Variants in NQO1 observed in about 807,000 individuals in gnomAD.
NQO1 encodes NAD(P)H quinone dehydrogenase 1, also known as NAD(P)H dehydrogenase [quinone] 1.
Under a neutral mutation model 32.1 loss-of-function variants are expected in NQO1, and 30 were observed. The observed-to-expected ratio is 0.94, with a 90% confidence interval of 0.70 to 1.27. NQO1 has a LOEUF of 1.27. Among genes scored for constraint, NQO1 ranks in the 50% most tolerant of loss-of-function variants. NQO1 has a pLI of 0.00. For synonymous variants in NQO1, 109 were observed against 119.7 expected, an observed-to-expected ratio of 0.91 and a Z score of 0.59; for missense variants, 276 against 331.3, an observed-to-expected ratio of 0.83 and a Z score of 1.30.
chr16:69,723,024 T>A (rs929467813), intron 1 of NQO1, among the ~76,000 whole-genome samples: 3 of 152,274 alleles, frequency 2.0e-5, no homozygotes, highest in Admixed American at 1.3e-4. Flanking sequence ...GCCTCCCAGG[T>A]TCACGCCATT....
chr16:69,712,531 G>A (rs754695050), intron 5 of NQO1, among the ~76,000 whole-genome samples: 13 of 152,318 alleles, frequency 8.5e-5, no homozygotes, highest in Non-Finnish European at 1.3e-4. Context: ...ACATGCACAC[G>A]CAGGTGTGTT....
intron 4 of NQO1, among the ~76,000 whole-genome samples, chr16:69,713,415 G>A (rs1027289315): frequency 6.6e-6 from 1 of 152,184 alleles, no homozygotes; most frequent in South Asian, 2.1e-4. Flanking sequence ...GCTGCTGGCT[G>A]CCTAGGTGGA....
Position 69,713,014 on chromosome 16 carries a change from A to G in NQO1, c.519+14T>C, listed in dbSNP as rs778686355. 14 of 1,604,456 alleles carry G rather than the reference A, an allele frequency of 8.7e-6. No homozygotes were observed. The South Asian group carries it at 1.5e-4, about 18-fold the overall frequency. On this transcript the variant is annotated intron_variant, in intron 5 of 5. Transcript: ENST00000320623. ...TCTCAAAGAAAAAAAAGAAAAGAAA[A>G]GAAAATGAGGTACCTGAATTGGCCA... is the stretch of plus-strand genomic sequence containing the variant.
At position 69,714,993 on chromosome 16, in the gene NQO1, C is replaced by T. The variant is rs568177350; in HGVS notation, c.388G>A (p.Ala130Thr). The change falls in exon 4 of 6, where the codon GCT becomes ACT. Residue 130 changes from alanine to threonine, a missense_variant. Physicochemically the swap from Ala to Thr is moderately conservative, Grantham distance 58. Coordinates refer to ENST00000320623, the MANE Select transcript of NQO1 (RefSeq NM_000903.3). ...VFIGEFAYTY[A>T]AMYDKGPFRS... ...AAGGGTCCTTTGTCATACATGGCAG[C>T]GTAAGTGTAAGCAAACTCTCCTATG... The T allele has an allele frequency of 1.9e-5, 31 of 1,613,688 alleles. No homozygotes were observed. In the African/African-American group the frequency reaches 3.3e-4, roughly 17 times the overall value.
chr16:69,713,572 A>T, intron 4 of NQO1, among the ~76,000 whole-genome samples: 1 of 152,172 alleles, frequency 6.6e-6, no homozygotes, highest in Non-Finnish European at 1.5e-5. Context: ...TATTATGGAA[A>T]TTTTTAACAC....
rs1357904322 is a variant in NQO1 at position 69,718,506 on chromosome 16, G to A, written c.36C>T (p.His12=). Residue 12 remains histidine, a synonymous_variant, in exon 2 of 6, where the codon CAC becomes CAT. Transcript: ENST00000320623. ...CATAGTTGAAGGACGTCCTCTCTGA[G>A]TGAGCCAGTACGATCAGTGCTCTTC... The part of the protein sequence containing the change: ...VGRRALIVLA[H]SERTSFNYAM... 3.1e-6 allele frequency: 5 copies of A among 1,613,972 alleles called. No individual in the cohort carries two copies. The African/African-American group carries it at 5.3e-5, about 17-fold the overall frequency.
rs762369473 is a variant in NQO1 at position 69,722,745 on chromosome 16, G to C, written c.7+3688C>G. ...GCGCTGGAAGTGATTGACTTGCTTG[G>C]GATAGCTTGGAAAAAGGAAAAGGAA... On this transcript the variant is annotated intron_variant, in intron 1 of 5. Coordinates refer to ENST00000320623, the MANE Select transcript of NQO1 (RefSeq NM_000903.3). Among the ~76,000 whole-genome samples, 102 of 152,210 alleles carry C rather than the reference G, an allele frequency of 6.7e-4. 1 individual carries two copies. Among genetic ancestry groups the C allele is most frequent in the Non-Finnish European group, 1.2e-3 (82 of 68,020 alleles).
Position 69,709,513 on chromosome 16 carries a change from C to T in NQO1, c.*1463G>A, listed in dbSNP as rs1597593081. 1.4e-5 allele frequency: 5 copies of T among 365,312 alleles called. No individual in the cohort carries two copies. Among genetic ancestry groups the T allele is most frequent in the African/African-American group, 2.1e-5 (1 of 48,010 alleles). 22.6% of individuals were successfully genotyped at this position (365,312 alleles called of 1,614,324 possible). On this transcript the variant is annotated 3_prime_UTR_variant, in exon 6 of 6. Transcript: ENST00000320623. ...ATATTTTCAAACTGAAACACCCAGC[C>T]GTCAGCTATTGTGGATACTGTCGAG...
At position 69,711,111 on chromosome 16, in the gene NQO1, G is replaced by A. The variant is rs149634724; in HGVS notation, c.690C>T (p.Asp230=). ...PLYFAPSSLF[D]LNFQAGFLMK... ...TTAAGAATCCTGCCTGGAAGTTTAGGTCAAAGAGGCTGCTTGGAGCAAAAT... is the reference window on the plus strand; with the variant it reads ...TTAAGAATCCTGCCTGGAAGTTTAGATCAAAGAGGCTGCTTGGAGCAAAAT... The change falls in exon 6 of 6, where the codon GAC becomes GAT. Residue 230 remains aspartate, a synonymous_variant. Coordinates refer to ENST00000320623, the MANE Select transcript of NQO1 (RefSeq NM_000903.3). 314 of 1,614,158 alleles carry A rather than the reference G, an allele frequency of 1.9e-4. No individual in the cohort carries two copies. Among genetic ancestry groups the A allele is most frequent in the Middle Eastern group, 1.3e-3 (8 of 6,062 alleles).
intron 5 of NQO1, 95 bp from the exon 6 acceptor site, chr16:69,711,376 C>G: frequency 9.5e-7 from 1 of 1,052,476 alleles, no homozygotes; most frequent in Admixed American, 2.2e-5. Flanking sequence ...CAGTAAGACA[C>G]TCTGATAAGG....
intron 5 of NQO1, 94 bp from the exon 6 acceptor site, chr16:69,711,375 A>C: frequency 9.4e-7 from 1 of 1,065,608 alleles, no homozygotes. Flanking sequence ...TCAGTAAGAC[A>C]CTCTGATAAG....
chr16:69,720,064 G>A (rs1411174251), intron 1 of NQO1, among the ~76,000 whole-genome samples: 1 of 152,102 alleles, frequency 6.6e-6, no homozygotes, highest in African/African-American at 2.4e-5. Context: ...ACCAGCCTGG[G>A]CAACATGACA....
chr16:69,712,988 G>A (rs756070265), intron 5 of NQO1, 40 bp downstream of exon 5: 67 of 1,531,736 alleles, frequency 4.4e-5, no homozygotes, highest in East Asian at 6.7e-5. Context: ...GTGAGACTCC[G>A]TCTCAAAGAA....
chr16:69,726,317 C>T, intron 1 of NQO1, 116 bp downstream of exon 1: 1 of 1,427,038 alleles, frequency 7.0e-7, no homozygotes, highest in Non-Finnish European at 9.6e-7. Context: ...TAATCTCTTC[C>T]CTTTGTGGGT....
chr16:69,725,966 C>T (rs1202571799), intron 1 of NQO1, among the ~76,000 whole-genome samples: 1 of 152,238 alleles, frequency 6.6e-6, no homozygotes, highest in Non-Finnish European at 1.5e-5. Context: ...GCATCAGTTT[C>T]CTCCACTCCT....
chr16:69,714,362 G>A (rs1159019306), intron 4 of NQO1, among the ~76,000 whole-genome samples: 1 of 149,932 alleles, frequency 6.7e-6, no homozygotes, highest in Non-Finnish European at 1.5e-5. Flanking sequence ...GTAGAGACGG[G>A]GTTTCGCCAT....
chr16:69,718,761 T>C (rs1349548881), intron 1 of NQO1, among the ~76,000 whole-genome samples: 1 of 152,150 alleles, frequency 6.6e-6, no homozygotes, highest in Non-Finnish European at 1.5e-5. Context: ...ACAACTGGGC[T>C]CTGTGGCTCA....
Position 69,723,046 on chromosome 16 carries a change from G to A in NQO1, c.7+3387C>T, listed in dbSNP as rs1322194996. Among the ~76,000 whole-genome samples the A allele has an allele frequency of 3.9e-5, 6 of 152,122 alleles. 1 individual carries two copies. Among genetic ancestry groups the A allele is most frequent in the Admixed American group, 6.5e-5 (1 of 15,270 alleles). ...AGGTTCACGCCATTCTCCTGCCTCA[G>A]CCTCCAGAGTAGCTGGGATTACAGG... On this transcript the variant is annotated intron_variant, in intron 1 of 5. Coordinates refer to ENST00000320623, the MANE Select transcript of NQO1 (RefSeq NM_000903.3).
chr16:69,726,493 A>C lies in NQO1; in HGVS notation c.-54T>G, dbSNP rs535548738. 146 of 1,583,614 alleles carry C rather than the reference A, an allele frequency of 9.2e-5. No individual in the cohort carries two copies. The highest frequency in any genetic ancestry group is 1.1e-4 in the Non-Finnish European group (133 of 1,168,944). ...GGCTGGGCTCGTGGTTGCCGGGGCG[A>C]CCCTGGCCGGAACTAGGCTCTCGGT... On this transcript the variant is annotated 5_prime_UTR_variant, in exon 1 of 6. Coordinates refer to ENST00000320623, the MANE Select transcript of NQO1 (RefSeq NM_000903.3).
Sources: allele counts gnomAD v4.1 joint callset (sites outside exome capture counted in the v4.1 genomes callset), GRCh38; gene constraint gnomAD v4.1.1; transcripts MANE v1.5; gene names NCBI Gene and HGNC (gene_info 2026-07-23, HGNC 2026-07-21).